GNAI1: variants seen among roughly 807,000 people sequenced by gnomAD.
GNAI1 encodes G protein subunit alpha i1.
In GNAI1, 11 loss-of-function variants were observed where a neutral mutation model predicts 38.9. The ratio of observed to expected loss-of-function variants is 0.28; its 90% CI spans 0.18 to 0.47. The LOEUF (loss-of-function observed/expected upper bound fraction) is 0.47. GNAI1 is among the 20% of genes least tolerant of loss of function. The pLI is 0.99. For missense variants in GNAI1, 317 were observed against 436.9 expected, an observed-to-expected ratio of 0.73 and a Z score of 2.45; for synonymous variants, 166 against 145.1, an observed-to-expected ratio of 1.14 and a Z score of -1.04.
chr7:80,135,244 G>C lies in GNAI1; in HGVS notation c.84G>C (p.Glu28Asp). Residue 28 changes from glutamate to aspartate, a missense_variant, in exon 1 of 8, where the codon GAG (glutamate) becomes GAC (aspartate). This residue lies in a region of GNAI1 where 40 missense variants were observed against 78.0 expected (regional missense o/e 0.51). Coordinates refer to ENST00000649796, the MANE Select transcript of GNAI1 (RefSeq NM_002069.6). ...MIDRNLREDG[E>D]KAAREVKLLL... Reference sequence around the variant, plus strand: ...ACCGCAACCTCCGTGAGGACGGCGAGAAGGCGGCGCGCGAGGTCAAGCTGC... The same window carrying C: ...ACCGCAACCTCCGTGAGGACGGCGACAAGGCGGCGCGCGAGGTCAAGCTGC... The C allele has an allele frequency of 6.5e-7, 1 of 1,536,728 alleles. No homozygotes were observed. Among genetic ancestry groups the C allele is most frequent in the Non-Finnish European group, 8.8e-7 (1 of 1,141,768 alleles).
rs566221933 is a variant in GNAI1, at chr7:80,192,166, T to A, written c.303+2935T>A. Reference sequence around the variant, plus strand: ...TTGAAATAGTACATTACAGAACTGTTAAGATTTTTACAATCGATTCTCACT... The same window carrying A: ...TTGAAATAGTACATTACAGAACTGTAAAGATTTTTACAATCGATTCTCACT... On this transcript the variant is annotated intron_variant, in intron 3 of 7. Transcript: ENST00000649796. 3.3e-5 allele frequency among the ~76,000 whole-genome samples: 5 copies of A among 152,292 alleles called. No homozygotes were observed. The East Asian group carries it at 9.7e-4, about 29-fold the overall frequency.
rs1310153447 is a variant in GNAI1, at chr7:80,221,721, C to A, written c.*4228C>A. On this transcript the variant is annotated 3_prime_UTR_variant, in exon 8 of 8. Coordinates refer to ENST00000649796, the MANE Select transcript of GNAI1 (RefSeq NM_002069.6). Reference sequence around the variant, plus strand: ...GCAGTCGTGCAATCTCCACTCTCTGCAACCTCCAACTCCATGGTTCAAGCA... The same window carrying A: ...GCAGTCGTGCAATCTCCACTCTCTGAAACCTCCAACTCCATGGTTCAAGCA... Among the ~76,000 whole-genome samples, 1 of 137,954 alleles carries A rather than the reference C, an allele frequency of 7.2e-6. No homozygotes were observed. The highest frequency in any genetic ancestry group is 1.5e-5 in the Non-Finnish European group (1 of 65,972). 90.5% of individuals were successfully genotyped at this position (137,954 alleles called of 152,430 possible).
chr7:80,184,663 T>C (rs1788359634), intron 1 of GNAI1, among the ~76,000 whole-genome samples: 1 of 152,204 alleles, frequency 6.6e-6, no homozygotes, highest in Non-Finnish European at 1.5e-5. Flanking sequence ...TGCCTTTCCC[T>C]TTCACTGGCT....
Position 80,135,249 on chromosome 7 carries a change from C to T in GNAI1, c.89C>T (p.Ala30Val). ...DRNLREDGEK[A>V]AREVKLLLLG... The stretch of plus-strand genomic sequence containing the variant: ...AACCTCCGTGAGGACGGCGAGAAGG[C>T]GGCGCGCGAGGTCAAGCTGCTGCTG... The change falls in exon 1 of 8, where the codon GCG (alanine) becomes GTG (valine). Residue 30 changes from alanine (A) to valine (V), a missense_variant. Around this residue, in one of 5 missense-constraint regions of GNAI1, gnomAD observed 40 missense variants for 78.0 expected, o/e 0.51. Transcript: ENST00000649796. 2.6e-6 allele frequency: 4 copies of T among 1,528,116 alleles called. No homozygotes were observed. Among genetic ancestry groups the T allele is most frequent in the Non-Finnish European group, 3.5e-6 (4 of 1,137,132 alleles). The allele number at this position is 1,528,116 out of a possible 1,614,324, so 94.7% of individuals were successfully genotyped here.
chr7:80,188,482 C>T (rs1354905670), intron 1 of GNAI1, among the ~76,000 whole-genome samples: 2 of 152,110 alleles, frequency 1.3e-5, no homozygotes, highest in Non-Finnish European at 2.9e-5. Flanking sequence ...GTAGAGCAGA[C>T]TTATTTCCCA....
chr7:80,192,466 T>C (rs1332421192), intron 3 of GNAI1, among the ~76,000 whole-genome samples: 2 of 152,330 alleles, frequency 1.3e-5, no homozygotes, highest in East Asian at 3.9e-4. Flanking sequence ...GGTGTGTTTC[T>C]GGACTCCAGT....
At chr7:80,202,549 A>G (rs2115680203) in intron 4 of GNAI1, among the ~76,000 whole-genome samples, 1 of 152,356 alleles carries the variant, frequency 6.6e-6, no homozygotes, top group Non-Finnish European at 1.5e-5. Flanking sequence ...AATTAAAAGC[A>G]CAGAGAAAGT....
chr7:80,160,855 C>T (rs1184288217), intron 1 of GNAI1, among the ~76,000 whole-genome samples: 2 of 151,704 alleles, frequency 1.3e-5, no homozygotes, highest in East Asian at 1.9e-4. Context: ...GGTGCTAGTT[C>T]TAATTTTTAG....
chr7:80,212,501 G>A (rs1195441657), intron 6 of GNAI1, among the ~76,000 whole-genome samples: 1 of 152,156 alleles, frequency 6.6e-6, no homozygotes, highest in Non-Finnish European at 1.5e-5. Context: ...TGGGCACTTG[G>A]CAAGTAAAAG....
At chr7:80,149,077 T>A (rs1787680905) in intron 1 of GNAI1, among the ~76,000 whole-genome samples, 1 of 152,118 alleles carries the variant, frequency 6.6e-6, no homozygotes, top group South Asian at 2.1e-4. Flanking sequence ...CTGTGGACAT[T>A]TAGGGAAGCA....
intron 1 of GNAI1, among the ~76,000 whole-genome samples, chr7:80,160,142 A>G (rs775835257): frequency 1.3e-5 from 2 of 150,190 alleles, no homozygotes; most frequent in Non-Finnish European, 3.0e-5. Flanking sequence ...TCACATCAAC[A>G]CTCTACAAGT....
chr7:80,158,500 C>T (rs1301018440), intron 1 of GNAI1, among the ~76,000 whole-genome samples: 3 of 152,098 alleles, frequency 2.0e-5, no homozygotes, highest in Non-Finnish European at 4.4e-5. Context: ...GCTGTTCTTA[C>T]GATCGTGATT....
intron 1 of GNAI1, among the ~76,000 whole-genome samples, chr7:80,161,898 C>A (rs1338688801): frequency 1.3e-5 from 2 of 152,106 alleles, no homozygotes; most frequent in Non-Finnish European, 2.9e-5. Flanking sequence ...CTGGTAGATA[C>A]TTATACAGTG....
At chr7:80,217,244 T>TTTCATATGTAGGAAACTG in intron 7 of GNAI1, 59 bp from the exon 8 acceptor site, 1 of 1,093,800 alleles carries the variant, frequency 9.1e-7, no homozygotes. Context: ...CTGAATTCAG[T>TTTCATATGTAGGAAACTG]ATTTTAAGCA....
intron 1 of GNAI1, among the ~76,000 whole-genome samples, chr7:80,159,013 G>A (rs909739322): frequency 3.9e-5 from 6 of 152,164 alleles, no homozygotes; most frequent in African/African-American, 1.4e-4. Flanking sequence ...CCACAGACAT[G>A]CTGATACTGC....
At chr7:80,144,617 A>G (rs1159419093) in intron 1 of GNAI1, among the ~76,000 whole-genome samples, 2 of 152,058 alleles carry the variant, frequency 1.3e-5, no homozygotes, top group African/African-American at 2.4e-5. Context: ...TAACTGATCT[A>G]TATTATTCAT....
At position 80,219,084 on chromosome 7, in the gene GNAI1, G is replaced by C. The variant is rs1261729895; in HGVS notation, c.*1591G>C. On this transcript the variant is annotated 3_prime_UTR_variant, in exon 8 of 8. Transcript: ENST00000649796. Reference sequence around the variant, plus strand: ...GTAACCATAAACTATATTCATATCTGTTTCATTTGGAGGATTTTCTTCTTT... The same window carrying C: ...GTAACCATAAACTATATTCATATCTCTTTCATTTGGAGGATTTTCTTCTTT... The C allele has an allele frequency of 6.7e-6, 1 of 148,176 alleles. No homozygotes were observed. Among genetic ancestry groups the C allele is most frequent in the Non-Finnish European group, 1.5e-5 (1 of 67,042 alleles). 9.2% of individuals were successfully genotyped at this position (148,176 alleles called of 1,614,324 possible).
chr7:80,186,215 T>G (rs966171521), intron 1 of GNAI1, among the ~76,000 whole-genome samples: 1 of 152,004 alleles, frequency 6.6e-6, no homozygotes, highest in Admixed American at 6.6e-5. Context: ...GTATTTTTAG[T>G]AGAGACAGGA....
intron 1 of GNAI1, among the ~76,000 whole-genome samples, chr7:80,151,344 T>A (rs1787722853): frequency 6.6e-6 from 1 of 151,974 alleles, no homozygotes; most frequent in Non-Finnish European, 1.5e-5. Context: ...TATACAAAAC[T>A]ATGAAAACAT....
Sources: gnomAD v4.1 joint callset for allele counts (sites outside exome capture counted in the v4.1 genomes callset) on GRCh38, gnomAD v4.1.1 for gene constraint, gnomAD v4.1.1 regional missense constraint, MANE v1.5 for transcripts, NCBI Gene and HGNC (gene_info 2026-07-23, HGNC 2026-07-21) for gene names.